The following CPQ variants were observed in gnomAD, a reference collection of about 807,000 sequenced individuals.
CPQ encodes carboxypeptidase Q, also known as Ser-Met dipeptidase.
CPQ carries 37 observed loss-of-function variants against 45.7 expected under a neutral mutation model. The ratio of observed to expected loss-of-function variants is 0.81; its 90% CI spans 0.62 to 1.07. The LOEUF (loss-of-function observed/expected upper bound fraction) is 1.07. Among genes scored for constraint, CPQ ranks in the 50% least tolerant of loss-of-function variants. The pLI, the probability that CPQ is intolerant of heterozygous loss-of-function variation, is 0.00. For synonymous variants in CPQ, 186 were observed against 205.8 expected, an observed-to-expected ratio of 0.90 and a Z score of 0.82; for missense variants, 537 against 572.9, an observed-to-expected ratio of 0.94 and a Z score of 0.64.
At chr8:96,729,261 A>G (rs779309449) in intron 1 of CPQ, among the ~76,000 whole-genome samples, 1 of 152,202 alleles carries the variant, frequency 6.6e-6, no homozygotes, top group Non-Finnish European at 1.5e-5. Context: ...GCATGAAGCC[A>G]TGCACATATA....
At chr8:96,718,642 C>T (rs1809718147) in intron 1 of CPQ, among the ~76,000 whole-genome samples, 1 of 152,194 alleles carries the variant, frequency 6.6e-6, no homozygotes, top group Non-Finnish European at 1.5e-5. Flanking sequence ...GTTGCCACTG[C>T]TGGCTCGGGC....
chr8:96,920,542 A>G (rs1370021707), intron 4 of CPQ, among the ~76,000 whole-genome samples: 1 of 152,152 alleles, frequency 6.6e-6, no homozygotes, highest in Non-Finnish European at 1.5e-5. Flanking sequence ...ACATTTTTAT[A>G]TTAAAGCTCA....
intron 5 of CPQ, among the ~76,000 whole-genome samples, chr8:96,977,034 A>C (rs1296945371): frequency 6.6e-6 from 1 of 152,200 alleles, no homozygotes; most frequent in East Asian, 1.9e-4. Flanking sequence ...CTGCACAACA[A>C]AAGAAATCAT....
intron 4 of CPQ, among the ~76,000 whole-genome samples, chr8:96,915,174 C>G (rs1409805149): frequency 6.6e-6 from 1 of 152,152 alleles, no homozygotes; most frequent in Non-Finnish European, 1.5e-5. Context: ...CTACAACTAG[C>G]CTTCCTGTCC....
At chr8:96,884,441 C>T (rs1460022231) in intron 4 of CPQ, among the ~76,000 whole-genome samples, 1 of 151,960 alleles carries the variant, frequency 6.6e-6, no homozygotes, top group Non-Finnish European at 1.5e-5. Context: ...GCTTTCAGGT[C>T]CCTCTCTCCT....
chr8:96,960,847 T>G (rs1403762942), intron 4 of CPQ, among the ~76,000 whole-genome samples: 1 of 152,198 alleles, frequency 6.6e-6, no homozygotes, highest in Non-Finnish European at 1.5e-5. Context: ...CCTATTTTTG[T>G]TTTGAGATTC....
chr8:96,874,577 A>G (rs893189626), intron 3 of CPQ, among the ~76,000 whole-genome samples: 5 of 151,766 alleles, frequency 3.3e-5, no homozygotes, highest in Non-Finnish European at 5.9e-5. Context: ...ATTTCATACA[A>G]ATGGAATCTT....
At chr8:96,809,926 A>G (rs1322629612) in intron 2 of CPQ, among the ~76,000 whole-genome samples, 1 of 152,152 alleles carries the variant, frequency 6.6e-6, no homozygotes, top group East Asian at 1.9e-4. Flanking sequence ...TGCATTGAGC[A>G]TTACACTCTA....
chr8:97,013,858 A>G (rs1314372492), intron 5 of CPQ, among the ~76,000 whole-genome samples: 1 of 152,264 alleles, frequency 6.6e-6, no homozygotes, highest in African/African-American at 2.4e-5. Flanking sequence ...ACATTTGTAT[A>G]TAGAAAAAGA....
intron 1 of CPQ, among the ~76,000 whole-genome samples, chr8:96,732,691 G>A (rs896986615): frequency 1.3e-5 from 2 of 151,836 alleles, no homozygotes; most frequent in African/African-American, 2.4e-5. Flanking sequence ...AATCTGAAGC[G>A]GAGACCACAC....
Position 96,717,018 on chromosome 8 carries a change from GATATAAATATAT to G in CPQ, c.-34-67840_-34-67829del, listed in dbSNP as rs1809683304. Among the ~76,000 whole-genome samples, 3 of 79,852 alleles carry G rather than the reference GATATAAATATAT, an allele frequency of 3.8e-5. No individual in the cohort carries two copies. In the Admixed American group the frequency reaches 5.2e-4, roughly 14 times the overall value. The allele number at this position is 79,852 out of a possible 152,430, so 52.4% of individuals were successfully genotyped here. On this transcript the variant is annotated intron_variant, in intron 1 of 7. Coordinates refer to ENST00000220763, the MANE Select transcript of CPQ (RefSeq NM_016134.4). The stretch of plus-strand genomic sequence containing the variant: ...TTTTTATGGCTGAGCAGTATTCCAT[GATATAAATATAT>G]ATATATATATATATATATATATATA...
Position 96,880,920 on chromosome 8 carries a change from TA to T in CPQ, c.849+922del, listed in dbSNP as rs573303362. On this transcript the variant is annotated intron_variant, in intron 4 of 7. Transcript: ENST00000220763. The stretch of plus-strand genomic sequence containing the variant: ...CCCCCTGAATCTAAAGTTTAAAAAA[TA>T]AAAAAATAAAAATTTTAGCACATTG... 2.0e-3 allele frequency among the ~76,000 whole-genome samples: 303 copies of T among 151,946 alleles called. 2 individuals are homozygous for T. The highest frequency in any genetic ancestry group is 6.8e-3 in the African/African-American group (282 of 41,460).
At chr8:96,777,744 ATATATATATATATATATTTTTTTTTTTTT>A (rs1810627772) in intron 1 of CPQ, among the ~76,000 whole-genome samples, 3 of 23,780 alleles carry the variant, frequency 1.3e-4, no homozygotes, top group Non-Finnish European at 2.2e-4. Context: ...ATATATATAT[ATATATATATATATATATTTTTTTTTTTTT>A]TTTTTTTTTT....
At chr8:97,128,095 A>G (rs1024586334) in intron 7 of CPQ, among the ~76,000 whole-genome samples, 17 of 152,356 alleles carry the variant, frequency 1.1e-4, no homozygotes, top group African/African-American at 3.1e-4. Flanking sequence ...CAAATTTTGC[A>G]TAAAAAGAAG....
rs866149780 is a variant in CPQ at position 96,941,041 on chromosome 8, T to C, written c.850-24894T>C. ...AGCTTGTAATCACCCAGTGTTTCTC[T>C]GACCTAGAAAAGCTGAGAAATTCAC... is the stretch of plus-strand genomic sequence containing the variant. On this transcript the variant is annotated intron_variant, in intron 4 of 7. Coordinates refer to ENST00000220763, the MANE Select transcript of CPQ (RefSeq NM_016134.4). Among the ~76,000 whole-genome samples, 4 of 152,172 alleles carry C rather than the reference T, an allele frequency of 2.6e-5. No individual in the cohort carries two copies. The South Asian group carries it at 8.3e-4, about 31-fold the overall frequency.
In CPQ at chr8:97,012,348, G is replaced by GTGA. The variant is rs548066669; in HGVS notation, c.962-17049_962-17047dup. On this transcript the variant is annotated intron_variant, in intron 5 of 7. Coordinates refer to ENST00000220763, the MANE Select transcript of CPQ (RefSeq NM_016134.4). ...CATGCTTGTGCATCCAAGAAGGACAGTGATGATGTGTTTCAATGTATTAAA... is the reference window on the plus strand; with the variant it reads ...CATGCTTGTGCATCCAAGAAGGACAGTGATGATGATGTGTTTCAATGTATTAAA... Among the ~76,000 whole-genome samples, 29 of 152,338 alleles carry GTGA rather than the reference G, an allele frequency of 1.9e-4. No homozygotes were observed. In the South Asian group the frequency reaches 6.0e-3, roughly 32 times the overall value.
At chr8:97,086,793 G>A (rs558294761) in intron 7 of CPQ, among the ~76,000 whole-genome samples, 46 of 152,026 alleles carry the variant, frequency 3.0e-4, no homozygotes, top group Non-Finnish European at 5.6e-4. Context: ...GTCATCTTAC[G>A]TTAAGTAAGT....
intron 3 of CPQ, among the ~76,000 whole-genome samples, chr8:96,879,159 A>G (rs1405546688): frequency 1.3e-5 from 2 of 152,206 alleles, no homozygotes; most frequent in Non-Finnish European, 2.9e-5. Flanking sequence ...TTGGGATGGT[A>G]TTTCTCCTTT....
chr8:96,796,332 C>G (rs1042041379), intron 2 of CPQ, among the ~76,000 whole-genome samples: 24 of 152,058 alleles, frequency 1.6e-4, no homozygotes, highest in African/African-American at 5.5e-4. Context: ...GCCTATTTTT[C>G]TACTGGTGCT....
Sources: gnomAD v4.1 joint callset for allele counts (sites outside exome capture counted in the v4.1 genomes callset) on GRCh38, gnomAD v4.1.1 for gene constraint, MANE v1.5 for transcripts, NCBI Gene and HGNC (gene_info 2026-07-23, HGNC 2026-07-21) for gene names.